AKAP13: variants seen among roughly 807,000 people sequenced by gnomAD.
AKAP13 encodes the protein A-kinase anchoring protein 13.
In AKAP13, 80 loss-of-function variants were observed where a neutral mutation model predicts 264.5. That is an observed-to-expected ratio of 0.30 (90% CI 0.25 to 0.36). The LOEUF is 0.36. Ranked by LOEUF, AKAP13 falls within the 10% of genes least tolerant of loss-of-function variation. AKAP13 has a pLI of 1.00. For synonymous variants in AKAP13, 1,380 were observed against 1,250.2 expected (o/e 1.10, Z -2.19); for missense variants, 3,712 against 3,435.2 (o/e 1.08, Z -2.01).
chr15:85,583,473 C>A (rs182230058), intron 7 of AKAP13, among the ~76,000 whole-genome samples: 1 of 152,120 alleles, frequency 6.6e-6, no homozygotes, highest in Non-Finnish European at 1.5e-5. Flanking sequence ...GTGATAGATA[C>A]TTGCTGGCTG....
At chr15:85,702,601 T>C (rs1597114743) in intron 17 of AKAP13, 1 of 152,310 alleles carries the variant, frequency 6.6e-6, no homozygotes, top group East Asian at 1.9e-4. Context: ...TGTAACCCTG[T>C]TTGGCTGACC....
At chr15:85,675,229 T>C (rs942249469) in intron 14 of AKAP13, among the ~76,000 whole-genome samples, 2 of 152,242 alleles carry the variant, frequency 1.3e-5, no homozygotes, top group Non-Finnish European at 2.9e-5. Context: ...TTTCTAAATC[T>C]GTTTGACATT....
intron 5 of AKAP13, among the ~76,000 whole-genome samples, chr15:85,556,985 A>G (rs778790494): frequency 3.9e-4 from 59 of 152,198 alleles, no homozygotes; most frequent in Non-Finnish European, 6.3e-4. Flanking sequence ...GTCTTCTGGG[A>G]TTTTTGTGTA....
chr15:85,591,023 C>G (rs1051573711), intron 8 of AKAP13, among the ~76,000 whole-genome samples: 5 of 152,138 alleles, frequency 3.3e-5, no homozygotes, highest in African/African-American at 9.7e-5. Context: ...GGAATAGTTT[C>G]TTACATTAAT....
chr15:85,662,587 T>C lies in AKAP13; in HGVS notation c.4800-1976T>C, dbSNP rs912043902. 4 of 978,876 alleles carry C rather than the reference T, an allele frequency of 4.1e-6. No homozygotes were observed. In the African/African-American group the frequency reaches 6.4e-5, roughly 16 times the overall value. 60.6% of individuals were successfully genotyped at this position (978,876 alleles called of 1,614,324 possible). A position where few individuals can be genotyped will look rare whatever the true frequency, so the allele number is the denominator to read the frequency against. ...CTGCTTTGTCTGTGAGCACAGCATTTCATTGCCTTTGCTATGGGTGTCACT... is the reference window on the plus strand; with the variant it reads ...CTGCTTTGTCTGTGAGCACAGCATTCCATTGCCTTTGCTATGGGTGTCACT... On this transcript the variant is annotated intron_variant, in intron 12 of 36. Coordinates refer to ENST00000394518, the MANE Select transcript of AKAP13 (RefSeq NM_007200.5).
intron 1 of AKAP13, among the ~76,000 whole-genome samples, chr15:85,383,634 A>G (rs1209738618): frequency 6.6e-6 from 1 of 152,236 alleles, no homozygotes; most frequent in South Asian, 2.1e-4. Context: ...CTGAAGGATA[A>G]TGGAAACAAT....
At chr15:85,562,756 C>T (rs1235182086) in intron 5 of AKAP13, among the ~76,000 whole-genome samples, 7 of 130,094 alleles carry the variant, frequency 5.4e-5, no homozygotes, top group Admixed American at 8.5e-5. Flanking sequence ...AGTGCAATGG[C>T]GCGACCTCGG....
chr15:85,398,883 C>A (rs182950214), intron 1 of AKAP13, among the ~76,000 whole-genome samples: 1 of 152,288 alleles, frequency 6.6e-6, no homozygotes, highest in East Asian at 1.9e-4. Context: ...CTTGTATGAA[C>A]TTAAGTTTAT....
chr15:85,582,532 CT>C (rs913494461), intron 7 of AKAP13, among the ~76,000 whole-genome samples: 19 of 152,192 alleles, frequency 1.2e-4, no homozygotes, highest in African/African-American at 4.3e-4. Flanking sequence ...CCTTCCTCCC[CT>C]ATCATCCTAG....
chr15:85,624,997 G>A (rs151086839), intron 8 of AKAP13, among the ~76,000 whole-genome samples: 54 of 152,272 alleles, frequency 3.5e-4, no homozygotes, highest in African/African-American at 1.1e-3. Context: ...GAATACCTGC[G>A]GTGTCCATGA....
At chr15:85,731,645 G>A (rs1167543314) in intron 30 of AKAP13, among the ~76,000 whole-genome samples, 1 of 151,948 alleles carries the variant, frequency 6.6e-6, no homozygotes, top group African/African-American at 2.4e-5. Flanking sequence ...ATATCTAGTT[G>A]TCTCTTTTTT....
In AKAP13 at chr15:85,744,498, G is replaced by A. The variant is rs1029826003; in HGVS notation, c.8393-130G>A. ...CAAATTTGTTCAGAAACCCCGGTGC[G>A]CAGAAGAGTTAATTGCCCATAAGCC... On this transcript the variant is annotated intron_variant, in intron 36 of 36. Coordinates refer to ENST00000394518, the MANE Select transcript of AKAP13 (RefSeq NM_007200.5). 8.4e-5 allele frequency: 80 copies of A among 946,968 alleles called. 1 individual carries two copies. Among genetic ancestry groups the A allele is most frequent in the African/African-American group, 4.9e-4 (30 of 61,330 alleles). 58.7% of individuals were successfully genotyped at this position (946,968 alleles called of 1,614,324 possible).
intron 8 of AKAP13, among the ~76,000 whole-genome samples, chr15:85,631,251 G>C (rs1013629770): frequency 6.6e-6 from 1 of 152,024 alleles, no homozygotes; most frequent in African/African-American, 2.4e-5. Context: ...AAATACATTC[G>C]TGGCTCTCTA....
At chr15:85,505,786 C>T (rs1306273515) in intron 2 of AKAP13, among the ~76,000 whole-genome samples, 1 of 152,066 alleles carries the variant, frequency 6.6e-6, no homozygotes, top group Non-Finnish European at 1.5e-5. Context: ...TATTTTCCTG[C>T]TGAGACAGAT....
rs1290489523 is a variant in AKAP13, at chr15:85,745,877, A to G, written c.*1200A>G. On this transcript the variant is annotated 3_prime_UTR_variant, in exon 37 of 37. Coordinates refer to ENST00000394518, the MANE Select transcript of AKAP13 (RefSeq NM_007200.5). ...GGCCTTGGCAAAATTGGATTTCTTCAAAAATACATGTAAAGGTCTGTTGTT... is the reference window on the plus strand; with the variant it reads ...GGCCTTGGCAAAATTGGATTTCTTCGAAAATACATGTAAAGGTCTGTTGTT... The G allele has an allele frequency of 1.3e-5, 2 of 152,296 alleles. No individual in the cohort carries two copies. The highest frequency in any genetic ancestry group is 2.4e-5 in the African/African-American group (1 of 41,474). 9.4% of individuals were successfully genotyped at this position (152,296 alleles called of 1,614,324 possible). A position where few individuals can be genotyped will look rare whatever the true frequency, so the allele number is the denominator to read the frequency against.
intron 6 of AKAP13, chr15:85,577,767 A>G: frequency 1.0e-6 from 1 of 980,346 alleles, no homozygotes; most frequent in Non-Finnish European, 1.2e-6. Flanking sequence ...CAAAAGGTGA[A>G]AGAATATCTG....
At chr15:85,529,171 C>T (rs1273233609) in intron 3 of AKAP13, among the ~76,000 whole-genome samples, 3 of 152,064 alleles carry the variant, frequency 2.0e-5, no homozygotes, top group Non-Finnish European at 2.9e-5. Context: ...GGTGTAATCC[C>T]AGCATTTTGG....
rs1400164562 is a variant in AKAP13 at position 85,606,243 on chromosome 15, A to G, written c.4161+20420A>G. 8.6e-5 allele frequency among the ~76,000 whole-genome samples: 13 copies of G among 151,768 alleles called. No individual in the cohort carries two copies. The East Asian group carries it at 1.2e-3, about 14-fold the overall frequency. On this transcript the variant is annotated intron_variant, in intron 8 of 36. Coordinates refer to ENST00000394518, the MANE Select transcript of AKAP13 (RefSeq NM_007200.5). The stretch of plus-strand genomic sequence containing the variant: ...CAGCCTCCTGAGTTGTTGGGATTAC[A>G]AGTACCCACCACCACGCCCAGCTGA...
chr15:85,721,321 C>T (rs994785325), intron 23 of AKAP13, among the ~76,000 whole-genome samples: 1 of 152,190 alleles, frequency 6.6e-6, no homozygotes, highest in African/African-American at 2.4e-5. Flanking sequence ...TGAAAATCTA[C>T]CCTGATCCTT....
Sources: gnomAD v4.1 joint callset for allele counts (sites outside exome capture counted in the v4.1 genomes callset) on GRCh38, gnomAD v4.1.1 for gene constraint, MANE v1.5 for transcripts, NCBI Gene and HGNC (gene_info 2026-07-23, HGNC 2026-07-21) for gene names.